The following ZBTB7C variants were observed in gnomAD, a reference collection of about 807,000 sequenced individuals.
The protein encoded by ZBTB7C is zinc finger and BTB domain containing 7C, also known as zinc finger and BTB domain-containing protein 7C.
In ZBTB7C, 8 loss-of-function variants were observed where a neutral mutation model predicts 25.7. The ratio of observed to expected loss-of-function variants is 0.31; its 90% CI spans 0.18 to 0.56. ZBTB7C has a LOEUF of 0.56. Among genes scored for constraint, ZBTB7C ranks in the 20% least tolerant of loss-of-function variants. ZBTB7C has a pLI of 0.91. For synonymous variants in ZBTB7C, 394 were observed against 369.0 expected (o/e 1.07, Z -0.78); for missense variants, 824 against 855.2 (o/e 0.96, Z 0.46).
At chr18:48,058,467 A>G (rs1307870698) in intron 3 of ZBTB7C, among the ~76,000 whole-genome samples, 1 of 152,156 alleles carries the variant, frequency 6.6e-6, no homozygotes, top group East Asian at 1.9e-4. Flanking sequence ...TGAACAGTCC[A>G]TTCTCTTTTC....
chr18:48,143,414 A>T (rs2040408960), intron 3 of ZBTB7C, among the ~76,000 whole-genome samples: 1 of 152,222 alleles, frequency 6.6e-6, no homozygotes, highest in African/African-American at 2.4e-5. Flanking sequence ...TAAGAAAAAA[A>T]TGCACTAAGA....
At chr18:48,326,095 CTTTTTT>C (rs34725749) in intron 2 of ZBTB7C, among the ~76,000 whole-genome samples, 3 of 126,178 alleles carry the variant, frequency 2.4e-5, no homozygotes, top group Non-Finnish European at 4.9e-5. Context: ...CTACCAACAT[CTTTTTT>C]TTTTTTTTTT....
In ZBTB7C at chr18:48,165,329, G is replaced by C. The variant is rs555050545; in HGVS notation, c.-17+20605C>G. ...CTAAGACAACACTCCGACGTAGCCC[G>C]TCCTTCAGAGACAATGAGTGTCCAG... On this transcript the variant is annotated intron_variant, in intron 3 of 4. Transcript: ENST00000590800. 3.2e-4 allele frequency: 136 copies of C among 425,952 alleles called. No individual in the cohort carries two copies. The Middle Eastern group carries it at 0.011, about 35-fold the overall frequency. The allele number at this position is 425,952 out of a possible 1,614,324, so 26.4% of individuals were successfully genotyped here.
At chr18:48,312,679 A>G (rs1279549390) in intron 2 of ZBTB7C, among the ~76,000 whole-genome samples, 1 of 152,220 alleles carries the variant, frequency 6.6e-6, no homozygotes, top group African/African-American at 2.4e-5. Flanking sequence ...AGCTTAGCAG[A>G]GTCCCTGGCA....
At chr18:48,129,730 G>C (rs967281634) in intron 3 of ZBTB7C, among the ~76,000 whole-genome samples, 2 of 152,198 alleles carry the variant, frequency 1.3e-5, no homozygotes, top group Non-Finnish European at 1.5e-5. Flanking sequence ...CCTCTCTCTC[G>C]TTGAAAGGCA....
chr18:48,328,785 A>C (rs58258512), intron 2 of ZBTB7C, among the ~76,000 whole-genome samples: 20,598 of 152,186 alleles, frequency 0.14, 1,634 homozygotes, highest in Non-Finnish European at 0.2. Flanking sequence ...TGGTAGGGAA[A>C]AAGCAGTGGA....
chr18:48,036,200 T>C (rs1216297338), intron 4 of ZBTB7C, among the ~76,000 whole-genome samples: 1 of 152,248 alleles, frequency 6.6e-6, no homozygotes, highest in Non-Finnish European at 1.5e-5. Context: ...GTGAGGTTCC[T>C]GACACCAAAG....
At chr18:48,098,325 C>A (rs2038713081) in intron 3 of ZBTB7C, among the ~76,000 whole-genome samples, 1 of 152,192 alleles carries the variant, frequency 6.6e-6, no homozygotes, top group Admixed American at 6.5e-5. Flanking sequence ...TCTTCCTAAT[C>A]ACATTTTACC....
At chr18:48,158,524 G>A (rs1459000604) in intron 3 of ZBTB7C, among the ~76,000 whole-genome samples, 2 of 146,628 alleles carry the variant, frequency 1.4e-5, no homozygotes, top group Non-Finnish European at 3.1e-5. Flanking sequence ...GAGGGGTGGG[G>A]TGGGGGTGAT....
chr18:48,367,202 T>TATACACACACAC (rs1302394192), intron 1 of ZBTB7C, among the ~76,000 whole-genome samples: 1 of 63,398 alleles, frequency 1.6e-5, no homozygotes, highest in African/African-American at 6.2e-5. Context: ...TATATATATA[T>TATACACACACAC]ACACACACAC....
chr18:48,115,986 A>G (rs1057237873), intron 3 of ZBTB7C, among the ~76,000 whole-genome samples: 1 of 152,068 alleles, frequency 6.6e-6, no homozygotes, highest in Non-Finnish European at 1.5e-5. Flanking sequence ...TTAAACTGAG[A>G]GAGGGGTTCA....
At chr18:48,357,982 G>C (rs2047014882) in intron 1 of ZBTB7C, among the ~76,000 whole-genome samples, 2 of 152,224 alleles carry the variant, frequency 1.3e-5, no homozygotes. Flanking sequence ...GATCCCGCAT[G>C]AATGGCTTAG....
chr18:48,179,951 CTGCTTCCTTCCT>C (rs1348625481), intron 3 of ZBTB7C, among the ~76,000 whole-genome samples: 4 of 36,640 alleles, frequency 1.1e-4, no homozygotes, highest in Non-Finnish European at 1.5e-4. Context: ...CCTTCCTTCC[CTGCTTCCTTCCT>C]TGCTTCCTTC....
At chr18:48,103,311 G>A (rs1447087801) in intron 3 of ZBTB7C, among the ~76,000 whole-genome samples, 1 of 151,954 alleles carries the variant, frequency 6.6e-6, no homozygotes, top group Non-Finnish European at 1.5e-5. Flanking sequence ...CAAGGGCTCT[G>A]GCAAAGACAA....
chr18:48,176,207 G>T (rs1454897061), intron 3 of ZBTB7C, among the ~76,000 whole-genome samples: 1 of 152,190 alleles, frequency 6.6e-6, no homozygotes, highest in East Asian at 1.9e-4. Flanking sequence ...TTCTGTCCAA[G>T]AATACATAAC....
chr18:48,356,888 C>T (rs1029691676), intron 1 of ZBTB7C, among the ~76,000 whole-genome samples: 23 of 152,306 alleles, frequency 1.5e-4, no homozygotes, highest in Middle Eastern at 3.4e-3. Context: ...GCACCCACCA[C>T]CTGGGTCCCC....
In ZBTB7C at chr18:48,045,986, C is replaced by T. The variant is rs145191822; in HGVS notation, c.-16-4863G>A. 9.4e-3 allele frequency among the ~76,000 whole-genome samples: 1,429 copies of T among 152,322 alleles called. 12 individuals are homozygous for T. Among genetic ancestry groups the T allele is most frequent in the Non-Finnish European group, 0.015 (994 of 68,028 alleles). On this transcript the variant is annotated intron_variant, in intron 3 of 4. Coordinates refer to ENST00000590800, the MANE Select transcript of ZBTB7C (RefSeq NM_001318841.2). ...CTTGCTAGTTGAATGGGTGAGCCAC[C>T]TTGAGAGTGGATCCTCCAGCCCCAG...
At chr18:48,184,576 C>T (rs2042008416) in intron 3 of ZBTB7C, among the ~76,000 whole-genome samples, 2 of 152,074 alleles carry the variant, frequency 1.3e-5, no homozygotes, top group African/African-American at 4.8e-5. Flanking sequence ...TTATAACTAG[C>T]TACCTTCTCC....
chr18:48,036,782 G>C (rs1212843641), intron 4 of ZBTB7C, among the ~76,000 whole-genome samples: 1 of 152,184 alleles, frequency 6.6e-6, no homozygotes, highest in Non-Finnish European at 1.5e-5. Context: ...CTTCCAGGTG[G>C]AAGGGGCAGG....
Sources: gnomAD v4.1 joint callset for allele counts (sites outside exome capture counted in the v4.1 genomes callset) on GRCh38, gnomAD v4.1.1 for gene constraint, MANE v1.5 for transcripts, NCBI Gene and HGNC (gene_info 2026-07-23, HGNC 2026-07-21) for gene names.